The following NLGN1 variants were observed in gnomAD, a reference collection of about 807,000 sequenced individuals.
NLGN1 encodes neuroligin-1.
A neutral mutation model predicts 65.5 loss-of-function variants in NLGN1; 12 were observed. That is an observed-to-expected ratio of 0.18 (90% CI 0.12 to 0.30). NLGN1 has a LOEUF of 0.30. Among genes scored for constraint, NLGN1 ranks in the 10% least tolerant of loss-of-function variants. NLGN1 has a pLI of 1.00. For synonymous variants in NLGN1, 350 were observed against 359.5 expected (o/e 0.97, Z 0.30); for missense variants, 750 against 1,007.1 (o/e 0.74, Z 3.46).
intron 4 of NLGN1, among the ~76,000 whole-genome samples, chr3:174,026,995 G>A (rs577248383): frequency 7.3e-5 from 11 of 151,386 alleles, no homozygotes; most frequent in African/African-American, 2.7e-4. Context: ...TGTCTTGGGT[G>A]TTCAAGGACA....
intron 4 of NLGN1, among the ~76,000 whole-genome samples, chr3:174,101,957 G>C (rs972994844): frequency 2.0e-5 from 3 of 152,234 alleles, no homozygotes; most frequent in Admixed American, 6.5e-5. Context: ...TTTAAATAGG[G>C]CTTCAGCAGG....
At chr3:173,860,843 G>A (rs534128267) in intron 4 of NLGN1, among the ~76,000 whole-genome samples, 2 of 152,234 alleles carry the variant, frequency 1.3e-5, no homozygotes, top group South Asian at 2.1e-4. Context: ...AATATGAAGG[G>A]GGGGTTACCT....
chr3:173,849,697 G>A (rs1726516737), intron 4 of NLGN1, among the ~76,000 whole-genome samples: 1 of 152,244 alleles, frequency 6.6e-6, no homozygotes, highest in African/African-American at 2.4e-5. Context: ...AGGGAACTCT[G>A]TTGTGGCTTT....
Position 173,451,773 on chromosome 3 carries a change from C to T in NLGN1, c.-321+16695C>T, listed in dbSNP as rs113833971. On this transcript the variant is annotated intron_variant, in intron 2 of 6. Coordinates refer to ENST00000457714, the Ensembl canonical transcript of NLGN1. ...CCTGGGTAATGGCGGGTGCCCCTCCCGCAGCCTCGCTGCCACCTTGCAGTT... is the reference window on the plus strand; with the variant it reads ...CCTGGGTAATGGCGGGTGCCCCTCCTGCAGCCTCGCTGCCACCTTGCAGTT... 8.2e-3 allele frequency among the ~76,000 whole-genome samples: 1,245 copies of T among 152,288 alleles called. 24 individuals are homozygous for T. Among genetic ancestry groups the T allele is most frequent in the African/African-American group, 0.029 (1,199 of 41,566 alleles).
At chr3:174,248,848 A>T (rs1368951318) in intron 4 of NLGN1, among the ~76,000 whole-genome samples, 1 of 152,232 alleles carries the variant, frequency 6.6e-6, no homozygotes. Context: ...TAGGAAATCA[A>T]AACAAAAGTG....
chr3:173,893,045 A>G (rs1735650103), intron 4 of NLGN1, among the ~76,000 whole-genome samples: 1 of 152,200 alleles, frequency 6.6e-6, no homozygotes, highest in African/African-American at 2.4e-5. Context: ...TGAGAATCAG[A>G]CAGAAAACAG....
intron 4 of NLGN1, among the ~76,000 whole-genome samples, chr3:173,827,402 G>C (rs1721555594): frequency 6.6e-6 from 1 of 152,028 alleles, no homozygotes; most frequent in African/African-American, 2.4e-5. Context: ...GTTCTCTTCG[G>C]AGAGAGGATG....
At chr3:173,896,659 T>G (rs981832066) in intron 4 of NLGN1, among the ~76,000 whole-genome samples, 8 of 152,208 alleles carry the variant, frequency 5.3e-5, no homozygotes, top group African/African-American at 1.7e-4. Flanking sequence ...CTTTACTTTT[T>G]CATTCTCTTC....
chr3:173,871,732 C>T (rs919304647), intron 4 of NLGN1, among the ~76,000 whole-genome samples: 1 of 152,116 alleles, frequency 6.6e-6, no homozygotes, highest in African/African-American at 2.4e-5. Context: ...CTGGAGCCTG[C>T]ATATTCCTGT....
chr3:174,283,667 A>T (rs1212409818), exon 7 of NLGN1: 2 of 151,382 alleles, frequency 1.3e-5, no homozygotes, highest in Non-Finnish European at 3.0e-5. Flanking sequence ...CCCCCCTCCC[A>T]ATTATTATCT....
chr3:174,118,384 C>T (rs1316074179), intron 4 of NLGN1, among the ~76,000 whole-genome samples: 1 of 152,108 alleles, frequency 6.6e-6, no homozygotes, highest in Non-Finnish European at 1.5e-5. Context: ...TTTTGGAACA[C>T]TTAATTTGGA....
intron 4 of NLGN1, among the ~76,000 whole-genome samples, chr3:173,980,929 T>C (rs1718641902): frequency 6.6e-6 from 1 of 152,214 alleles, no homozygotes; most frequent in Non-Finnish European, 1.5e-5. Flanking sequence ...CTTTGATCCA[T>C]ATTTTTTCAG....
At position 173,728,447 on chromosome 3, in the gene NLGN1, C is replaced by T. The variant is rs544737789; in HGVS notation, c.494-79233C>T. Among the ~76,000 whole-genome samples, 8 of 152,106 alleles carry T rather than the reference C, an allele frequency of 5.3e-5. No individual in the cohort carries two copies. In the East Asian group the frequency reaches 1.4e-3, roughly 26 times the overall value. On this transcript the variant is annotated intron_variant, in intron 3 of 6. Transcript: ENST00000457714. ...TATACTCCATTGTGTTCTGACCTTT[C>T]CCTTGTTTTGGTTAAAGCCACGTGA...
chr3:174,281,221 T>G, exon 7 of NLGN1: 1 of 1,613,098 alleles, frequency 6.2e-7, no homozygotes, highest in Non-Finnish European at 8.5e-7. Flanking sequence ...TTACACACAT[T>G]CAATACATTT....
At chr3:173,604,929 A>G in exon 3 of NLGN1, 1 of 1,613,694 alleles carries the variant, frequency 6.2e-7, no homozygotes, top group East Asian at 2.2e-5. Flanking sequence ...CAGAAATGCC[A>G]CTCAATTTGC....
rs66827074 is a variant in NLGN1 at position 173,584,399 on chromosome 3, A to ATTTTTTTTTT, written c.-320-19856_-320-19847dup. Among the ~76,000 whole-genome samples the ATTTTTTTTTT allele has an allele frequency of 4.5e-4, 14 of 30,820 alleles. 4 individuals carry two copies. In the East Asian group the frequency reaches 0.015, roughly 33 times the overall value. The allele number at this position is 30,820 out of a possible 152,430, so 20.2% of individuals were successfully genotyped here. ...TTAGGGTAAAACCAGGGTCCTCGGC[A>ATTTTTTTTTT]TTTTTTTTTTTTTTTTTTTTTTTTT... On this transcript the variant is annotated intron_variant, in intron 2 of 6. Coordinates refer to ENST00000457714, the Ensembl canonical transcript of NLGN1.
At chr3:173,712,695 A>G (rs1286355941) in intron 3 of NLGN1, among the ~76,000 whole-genome samples, 3 of 152,210 alleles carry the variant, frequency 2.0e-5, no homozygotes, top group Non-Finnish European at 1.5e-5. Flanking sequence ...CATTTCTATT[A>G]TTAGTTATTG....
At chr3:173,917,841 T>TTGTGTGTGTGTGTGTGTGTGTGTGTG (rs145802137) in intron 4 of NLGN1, among the ~76,000 whole-genome samples, 154 of 146,482 alleles carry the variant, frequency 1.1e-3, no homozygotes, top group African/African-American at 3.8e-3. Context: ...CAAAGCAACA[T>TTGTGTGTGTGTGTGTGTGTGTGTGTG]TGTGTGTGTG....
intron 3 of NLGN1, among the ~76,000 whole-genome samples, chr3:173,781,469 T>G (rs7612763): frequency 1.3e-5 from 2 of 152,210 alleles, no homozygotes; most frequent in African/African-American, 4.8e-5. Context: ...TTCACTGTTA[T>G]GGATTATCTT....
Sources: gnomAD v4.1 joint callset for allele counts (sites outside exome capture counted in the v4.1 genomes callset) on GRCh38, gnomAD v4.1.1 for gene constraint, MANE v1.5 for transcripts, NCBI Gene and HGNC (gene_info 2026-07-23, HGNC 2026-07-21) for gene names.